Variants in LRATD1 observed in about 807,000 individuals in gnomAD.
LRATD1 encodes LRAT domain containing 1.
LRATD1 carries 8 observed loss-of-function variants against 21.3 expected under a neutral mutation model. That is an observed-to-expected ratio of 0.38 (90% CI 0.22 to 0.68). The LOEUF is 0.68. Ranked by LOEUF, LRATD1 falls within the 30% of genes least tolerant of loss-of-function variation. The pLI is 0.54. For synonymous variants in LRATD1, 210 were observed against 186.2 expected (o/e 1.13, Z -1.04); for missense variants, 380 against 404.0 (o/e 0.94, Z 0.51).
chr2:14,640,240 T>A (rs1450937717), downstream of LRATD1, among the ~76,000 whole-genome samples: 2 of 152,222 alleles, frequency 1.3e-5, no homozygotes, highest in African/African-American at 4.8e-5. Flanking sequence ...TGGGAATAGA[T>A]TTACTAGATG....
chr2:14,637,376 G>C lies in LRATD1; in HGVS notation c.*2518G>C, dbSNP rs141239595. 6 of 167,102 alleles carry C rather than the reference G, an allele frequency of 3.6e-5. No individual in the cohort carries two copies. Among genetic ancestry groups the C allele is most frequent in the Non-Finnish European group, 8.8e-5 (6 of 68,102 alleles). The allele number at this position is 167,102 out of a possible 1,614,324, so 10.4% of individuals were successfully genotyped here. ...TACATAGATTTCTCTCTCACTAAGA[G>C]GGTCACTCTCATAGAGGAATGTCTT... On this transcript the variant is annotated 3_prime_UTR_variant, in exon 2 of 2. Coordinates refer to ENST00000295092, the MANE Select transcript of LRATD1 (RefSeq NM_145175.4).
At position 14,637,422 on chromosome 2, in the gene LRATD1, G is replaced by A. The variant is rs1485024562; in HGVS notation, c.*2564G>A. On this transcript the variant is annotated 3_prime_UTR_variant, in exon 2 of 2. Transcript: ENST00000295092. ...GTCTTGTCAGTTTTATACTTGCTGA[G>A]GCTAGACTGACAATAAAAATGAGCT... The A allele has an allele frequency of 6.0e-6, 1 of 166,960 alleles. No individual in the cohort carries two copies. The highest frequency in any genetic ancestry group is 1.5e-5 in the Non-Finnish European group (1 of 68,114). The allele number at this position is 166,960 out of a possible 1,614,324, so 10.3% of individuals were successfully genotyped here. A position where few individuals can be genotyped will look rare whatever the true frequency, so the allele number is the denominator to read the frequency against.
chr2:14,643,793 C>T (rs1401795644), downstream of LRATD1, among the ~76,000 whole-genome samples: 2 of 152,102 alleles, frequency 1.3e-5, no homozygotes, highest in African/African-American at 2.4e-5. Flanking sequence ...ATGATCATGC[C>T]GTCCATTTAA....
chr2:14,634,672 G>C lies in LRATD1; in HGVS notation c.693G>C (p.Glu231Asp). The C allele has an allele frequency of 6.4e-7, 1 of 1,551,624 alleles. No homozygotes were observed. The highest frequency in any genetic ancestry group is 8.7e-7 in the Non-Finnish European group (1 of 1,147,166). Residue 231 changes from glutamate to aspartate, a missense_variant, in exon 2 of 2, where the codon GAG becomes GAC. Physicochemically the swap from Glu to Asp is conservative, Grantham distance 45 (BLOSUM62 2). Transcript: ENST00000295092. ...FGKREFKAGG[E>D]VPAGTQPPQQ... ...AGCGGGAGTTCAAGGCGGGAGGGGAGGTGCCGGCAGGCACGCAGCCCCCGC... is the reference window on the plus strand; with the variant it reads ...AGCGGGAGTTCAAGGCGGGAGGGGACGTGCCGGCAGGCACGCAGCCCCCGC...
Position 14,634,022 on chromosome 2 carries a change from G to C in LRATD1, c.43G>C (p.Glu15Gln). 6.2e-7 allele frequency: 1 copy of C among 1,614,026 alleles called. No individual in the cohort carries two copies. Among genetic ancestry groups the C allele is most frequent in the Non-Finnish European group, 8.5e-7 (1 of 1,180,024 alleles). Residue 15 changes from glutamate to glutamine, a missense_variant, in exon 2 of 2, where the codon GAG becomes CAG. Physicochemically the swap from Glu to Gln is conservative, Grantham distance 29. Transcript: ENST00000295092. ...LDRITHLNYS[E>Q]LPTGDPSGIE... ...CCGCATCACCCACCTCAACTACAGC[G>C]AGTTGCCCACAGGGGACCCGTCGGG...
rs547485844 is a variant in LRATD1, at chr2:14,638,490, C to G, written c.*3632C>G. ...TCTGTGGTGAACACTTTTGTTAGAACATGGCTTTTTTATTTTTCTTGGAAA... is the reference window on the plus strand; with the variant it reads ...TCTGTGGTGAACACTTTTGTTAGAAGATGGCTTTTTTATTTTTCTTGGAAA... On this transcript the variant is annotated 3_prime_UTR_variant, in exon 2 of 2. Coordinates refer to ENST00000295092, the MANE Select transcript of LRATD1 (RefSeq NM_145175.4). 1.2e-5 allele frequency: 2 copies of G among 166,880 alleles called. No individual in the cohort carries two copies. The highest frequency in any genetic ancestry group is 2.9e-5 in the Non-Finnish European group (2 of 68,054). The allele number at this position is 166,880 out of a possible 1,614,324, so 10.3% of individuals were successfully genotyped here. A position where few individuals can be genotyped will look rare whatever the true frequency, so the allele number is the denominator to read the frequency against.
At chr2:14,646,318 A>G (rs1671894214) in intron 3 of LRATD1, 1 of 152,200 alleles carries the variant, frequency 6.6e-6, no homozygotes, top group African/African-American at 2.4e-5. Context: ...ACCTCCTGGA[A>G]TGAAAGTCTC....
rs929414551 is a variant in LRATD1 at position 14,633,749 on chromosome 2, C to G, written c.-36-195C>G. 17 of 580,194 alleles carry G rather than the reference C, an allele frequency of 2.9e-5. No homozygotes were observed. The highest frequency in any genetic ancestry group is 4.5e-4 in the Middle Eastern group (1 of 2,204). 35.9% of individuals were successfully genotyped at this position (580,194 alleles called of 1,614,324 possible). A position where few individuals can be genotyped will look rare whatever the true frequency, so the allele number is the denominator to read the frequency against. On this transcript the variant is annotated intron_variant, in intron 1 of 1. Coordinates refer to ENST00000295092, the MANE Select transcript of LRATD1 (RefSeq NM_145175.4). This position sits in a 1 kb window ranked among gnomAD's most constrained non-coding sequence, Gnocchi z 7.5. ...CGGAGGCTGTGTGGTGGCGTCTGCT[C>G]TCGCCTGACCTGTGGCGGCTTCTCC...
chr2:14,633,573 T>C lies in LRATD1; in HGVS notation c.-36-371T>C, dbSNP rs557253764. 4.9e-6 allele frequency: 1 copy of C among 202,942 alleles called. No individual in the cohort carries two copies. Among genetic ancestry groups the C allele is most frequent in the African/African-American group, 2.3e-5 (1 of 43,804 alleles). 12.6% of individuals were successfully genotyped at this position (202,942 alleles called of 1,614,324 possible). On this transcript the variant is annotated intron_variant, in intron 1 of 1. Coordinates refer to ENST00000295092, the MANE Select transcript of LRATD1 (RefSeq NM_145175.4). This position sits in a 1 kb window ranked among gnomAD's most constrained non-coding sequence, Gnocchi z 7.5. ...CCCAGCTCACTGGCCTTAGGCTCCC[T>C]TCTCCCTTTCAGCCCACCCCTCGGT...
chr2:14,632,728 G>C lies in LRATD1; in HGVS notation c.-246G>C, dbSNP rs1197257723. On this transcript the variant is annotated 5_prime_UTR_variant, in exon 1 of 2. Transcript: ENST00000295092. ...GGCGCGGCGGTGGGAAAGCAGAGCC[G>C]AGCCGGGACTGTCCAGTGGGAGCAG... 1.3e-5 allele frequency: 2 copies of C among 152,134 alleles called. No homozygotes were observed. Among genetic ancestry groups the C allele is most frequent in the Non-Finnish European group, 2.9e-5 (2 of 68,030 alleles). The allele number at this position is 152,134 out of a possible 1,614,324, so 9.4% of individuals were successfully genotyped here. A position where few individuals can be genotyped will look rare whatever the true frequency, so the allele number is the denominator to read the frequency against.
chr2:14,647,976 G>T (rs958844658), intron 4 of LRATD1, among the ~76,000 whole-genome samples: 1 of 152,004 alleles, frequency 6.6e-6, no homozygotes. Context: ...TTGCACTCTC[G>T]TCTATGTTCA....
rs544146577 is a variant in LRATD1 at position 14,635,484 on chromosome 2, A to G, written c.*626A>G. 1.5e-4 allele frequency: 72 copies of G among 471,188 alleles called. 1 individual carries two copies. Among genetic ancestry groups the G allele is most frequent in the East Asian group, 9.7e-4 (14 of 14,376 alleles). 29.2% of individuals were successfully genotyped at this position (471,188 alleles called of 1,614,324 possible). A position where few individuals can be genotyped will look rare whatever the true frequency, so the allele number is the denominator to read the frequency against. On this transcript the variant is annotated 3_prime_UTR_variant, in exon 2 of 2. Transcript: ENST00000295092. ...GCTCTCCAGCCCCAGGTCTCCTGAC[A>G]TTGTGTTCCAGGCTGCGGGCTAAGC...
rs1373862104 is a variant in LRATD1, at chr2:14,633,939, C to T, written c.-36-5C>T. The stretch of plus-strand genomic sequence containing the variant: ...CGGTGTCTCTGCCTCTCTGTGCCTC[C>T]GCAGATCCCCGCTCCTGGCCCTCGC... On this transcript the variant is annotated splice_polypyrimidine_tract_variant and splice_region_variant and intron_variant, in intron 1 of 1. Transcript: ENST00000295092. This position sits in a 1 kb window ranked among gnomAD's most constrained non-coding sequence, Gnocchi z 7.5. 6 of 1,583,586 alleles carry T rather than the reference C, an allele frequency of 3.8e-6. No homozygotes were observed. The Admixed American group carries it at 6.8e-5, about 18-fold the overall frequency.
chr2:14,634,622 T>C lies in LRATD1; in HGVS notation c.643T>C (p.Phe215Leu), dbSNP rs1475251749. Residue 215 changes from phenylalanine to leucine, a missense_variant, in exon 2 of 2, where the codon TTC becomes CTC. Phe to Leu is a conservative substitution (Grantham distance 22). Transcript: ENST00000295092. ...EEICWTNSES[F>L]AAWCRFGKRE... ...GATCTGCTGGACGAACTCGGAGAGC[T>C]TCGCCGCCTGGTGCCGCTTTGGCAA... is the stretch of plus-strand genomic sequence containing the variant. 2.0e-6 allele frequency: 3 copies of C among 1,534,038 alleles called. No individual in the cohort carries two copies. Among genetic ancestry groups the C allele is most frequent in the Non-Finnish European group, 2.6e-6 (3 of 1,137,382 alleles).
In LRATD1 at chr2:14,634,279, C is replaced by T. The variant is rs749940835; in HGVS notation, c.300C>T (p.Ser100=). 11 of 1,604,960 alleles carry T rather than the reference C, an allele frequency of 6.9e-6. No homozygotes were observed. The highest frequency in any genetic ancestry group is 1.7e-5 in the Admixed American group (1 of 59,848). Residue 100 remains serine, a synonymous_variant, in exon 2 of 2, where the codon AGC becomes AGT. Transcript: ENST00000295092. ...AGGAATGCATCTTTTCCAAAGTGAGCGGTGGCCCTCAGGGCGCCGACCTAA... is the reference window on the plus strand; with the variant it reads ...AGGAATGCATCTTTTCCAAAGTGAGTGGTGGCCCTCAGGGCGCCGACCTAA... The part of the protein sequence containing the change: ...RGQECIFSKV[S]GGPQGADLSV...
rs1410117242 is a variant in LRATD1 at position 14,639,653 on chromosome 2, T to C, written c.*4795T>C. On this transcript the variant is annotated 3_prime_UTR_variant, in exon 2 of 2. Coordinates refer to ENST00000295092, the MANE Select transcript of LRATD1 (RefSeq NM_145175.4). ...TAGTCTTCCCTGCCCTTGTCACTGA[T>C]GGTGACACTACTTGTAATTACTGTA... is the stretch of plus-strand genomic sequence containing the variant. 4 of 167,122 alleles carry C rather than the reference T, an allele frequency of 2.4e-5. No individual in the cohort carries two copies. Among genetic ancestry groups the C allele is most frequent in the Admixed American group, 6.5e-5 (1 of 15,284 alleles). 10.4% of individuals were successfully genotyped at this position (167,122 alleles called of 1,614,324 possible).
rs1275959125 is a variant in LRATD1 at position 14,634,495 on chromosome 2, C to T, written c.516C>T (p.Ala172=). The part of the protein sequence containing the change: ...RQDSLYEAGA[A]NVGRVVNSWY... ...ACAGCCTGTATGAGGCGGGCGCGGC[C>T]AACGTGGGCCGGGTGGTGAATAGCT... is the stretch of plus-strand genomic sequence containing the variant. The change falls in exon 2 of 2, where the codon GCC becomes GCT. Residue 172 remains alanine (A), a synonymous_variant. Transcript: ENST00000295092. 3.3e-6 allele frequency: 5 copies of T among 1,508,118 alleles called. No homozygotes were observed. The highest frequency in any genetic ancestry group is 8.8e-7 in the Non-Finnish European group (1 of 1,129,970). The allele number at this position is 1,508,118 out of a possible 1,614,324, so 93.4% of individuals were successfully genotyped here. A position where few individuals can be genotyped will look rare whatever the true frequency, so the allele number is the denominator to read the frequency against.
In LRATD1 at chr2:14,634,512, T is replaced by G. The variant is rs780216465; in HGVS notation, c.533T>G (p.Val178Gly). ...GGCGCGGCCAACGTGGGCCGGGTGG[T>G]GAATAGCTGGTACCGCTACCGCCCG... ...EAGAANVGRVVNSWYRYRPLV... is the reference protein window; with the variant it reads ...EAGAANVGRVGNSWYRYRPLV... The change falls in exon 2 of 2, where the codon GTG becomes GGG. Residue 178 changes from valine to glycine, a missense_variant. Coordinates refer to ENST00000295092, the MANE Select transcript of LRATD1 (RefSeq NM_145175.4). The G allele has an allele frequency of 6.7e-7, 1 of 1,502,674 alleles. No homozygotes were observed. Among genetic ancestry groups the G allele is most frequent in the Non-Finnish European group, 8.9e-7 (1 of 1,127,466 alleles). The allele number at this position is 1,502,674 out of a possible 1,614,324, so 93.1% of individuals were successfully genotyped here.
chr2:14,634,677 C>A lies in LRATD1; in HGVS notation c.698C>A (p.Pro233Gln). 6.5e-7 allele frequency: 1 copy of A among 1,548,792 alleles called. No individual in the cohort carries two copies. Among genetic ancestry groups the A allele is most frequent in the Non-Finnish European group, 8.7e-7 (1 of 1,146,218 alleles). The change falls in exon 2 of 2, where the codon CCG becomes CAG. Residue 233 changes from proline (P) to glutamine (Q), a missense_variant. Transcript: ENST00000295092. Reference sequence around the variant, plus strand: ...GAGTTCAAGGCGGGAGGGGAGGTGCCGGCAGGCACGCAGCCCCCGCAGCAG... The same window carrying A: ...GAGTTCAAGGCGGGAGGGGAGGTGCAGGCAGGCACGCAGCCCCCGCAGCAG... ...KREFKAGGEV[P>Q]AGTQPPQQQY...
Sources: allele counts gnomAD v4.1 joint callset (sites outside exome capture counted in the v4.1 genomes callset), GRCh38; gene constraint gnomAD v4.1.1; non-coding constraint Gnocchi (gnomAD v3.1); transcripts MANE v1.5; gene names NCBI Gene and HGNC (gene_info 2026-07-23, HGNC 2026-07-21).